The following KDM2B variants were observed in gnomAD, a reference collection of about 807,000 sequenced individuals.
The protein encoded by KDM2B is lysine demethylase 2B, also known as lysine-specific demethylase 2B.
KDM2B carries 26 observed loss-of-function variants against 150.0 expected under a neutral mutation model. The ratio of observed to expected loss-of-function variants is 0.17; its 90% CI spans 0.13 to 0.24. The LOEUF is 0.24. KDM2B is among the 10% of genes least tolerant of loss of function. The probability of loss-of-function intolerance (pLI) is 1.00; values close to 1 mark genes in which losing one functional copy is unlikely to be tolerated. For synonymous variants in KDM2B, 734 were observed against 729.5 expected (o/e 1.01, Z -0.10); for missense variants, 1,265 against 1,816.9 (o/e 0.70, Z 5.52).
At chr12:121,415,861 T>TTTTTA in the KDM2B span, among the ~76,000 whole-genome samples, 2 of 149,840 alleles carry the variant, frequency 1.3e-5, no homozygotes, top group African/African-American at 4.9e-5. Context: ...TTTTTTTTTT[T>TTTTTA]ACATGCCTGT....
rs1483856132 is a variant in KDM2B at position 121,580,177 on chromosome 12, G to A, written c.126+609C>T. On this transcript the variant is annotated intron_variant, in intron 1 of 22. Coordinates refer to ENST00000377071, the MANE Select transcript of KDM2B (RefSeq NM_032590.5). Reference sequence around the variant, plus strand: ...TAAATAAATAAAGCAAGCCAGAGCCGAGATCTACAAAGTTTTGCACCAACA... The same window carrying A: ...TAAATAAATAAAGCAAGCCAGAGCCAAGATCTACAAAGTTTTGCACCAACA... The A allele has an allele frequency of 2.0e-6, 3 of 1,530,870 alleles. No individual in the cohort carries two copies. In the Admixed American group the frequency reaches 6.6e-5, roughly 34 times the overall value. The allele number at this position is 1,530,870 out of a possible 1,614,324, so 94.8% of individuals were successfully genotyped here.
At chr12:121,496,982 C>T (rs1345722961) in intron 11 of KDM2B, among the ~76,000 whole-genome samples, 10 of 151,790 alleles carry the variant, frequency 6.6e-5, no homozygotes, top group African/African-American at 2.4e-4. Flanking sequence ...GCCTATCATA[C>T]TTTCCTGATC....
chr12:121,466,681 C>T (rs1593848300), intron 12 of KDM2B, among the ~76,000 whole-genome samples: 1 of 150,786 alleles, frequency 6.6e-6, no homozygotes, highest in Admixed American at 6.6e-5. Flanking sequence ...CGGGAGCGCT[C>T]CAGCCCCGAA....
chr12:121,546,213 A>T (rs28397967), intron 6 of KDM2B, among the ~76,000 whole-genome samples: 75,463 of 151,816 alleles, frequency 0.5, 18,996 homozygotes, highest in African/African-American at 0.55. Flanking sequence ...AGGGCTCAAG[A>T]CATAGGCGCT....
At chr12:121,499,598 G>A (rs1884321954) in intron 11 of KDM2B, among the ~76,000 whole-genome samples, 1 of 151,986 alleles carries the variant, frequency 6.6e-6, no homozygotes, top group African/African-American at 2.4e-5. Context: ...GCTGCAGTGA[G>A]CTATGATCAC....
At chr12:121,572,413 C>A (rs1891165721) in intron 4 of KDM2B, among the ~76,000 whole-genome samples, 1 of 152,174 alleles carries the variant, frequency 6.6e-6, no homozygotes, top group Non-Finnish European at 1.5e-5. Flanking sequence ...CACTCACTCA[C>A]TCACTCAGTT....
Position 121,575,525 on chromosome 12 carries a change from G to A in KDM2B, c.350+256C>T, listed in dbSNP as rs565124482. ...TAGGAGGTCACTGAGTGTAACTGGG[G>A]TGGGTCAGGGAAAAAAGTCAACACT... On this transcript the variant is annotated intron_variant, in intron 3 of 22. Coordinates refer to ENST00000377071, the MANE Select transcript of KDM2B (RefSeq NM_032590.5). This position sits in a 1 kb window ranked among gnomAD's most constrained non-coding sequence, Gnocchi z 4.4. 2.6e-5 allele frequency among the ~76,000 whole-genome samples: 4 copies of A among 152,314 alleles called. No homozygotes were observed. Among genetic ancestry groups the A allele is most frequent in the Non-Finnish European group, 5.9e-5 (4 of 68,032 alleles).
intron 8 of KDM2B, among the ~76,000 whole-genome samples, chr12:121,530,341 A>G (rs1228853339): frequency 6.6e-6 from 1 of 152,212 alleles, no homozygotes; most frequent in Admixed American, 6.5e-5. Context: ...TTAAAGTACT[A>G]TCCTTTATTC....
intron 12 of KDM2B, among the ~76,000 whole-genome samples, chr12:121,458,250 CCT>C (rs781890564): frequency 4.6e-5 from 7 of 152,080 alleles, no homozygotes; most frequent in Non-Finnish European, 8.8e-5. Flanking sequence ...CTGTCACACA[CCT>C]GTAGTCCGAG....
At chr12:121,454,534 T>A (rs1394733631) in intron 12 of KDM2B, among the ~76,000 whole-genome samples, 1 of 152,144 alleles carries the variant, frequency 6.6e-6, no homozygotes, top group Non-Finnish European at 1.5e-5. Context: ...CTGAGGACAC[T>A]GTCCACAGAG....
intron 12 of KDM2B, among the ~76,000 whole-genome samples, chr12:121,460,090 A>G (rs933959740): frequency 6.6e-6 from 1 of 152,220 alleles, no homozygotes; most frequent in African/African-American, 2.4e-5. Context: ...ACTAACTAAT[A>G]AAGTATGTAA....
chr12:121,454,759 C>T (rs886980731), intron 12 of KDM2B, among the ~76,000 whole-genome samples: 80 of 152,154 alleles, frequency 5.3e-4, no homozygotes, highest in African/African-American at 1.8e-3. Context: ...CAGAGTCCCA[C>T]CCTCTTCATT....
intron 22 of KDM2B, among the ~76,000 whole-genome samples, chr12:121,433,632 C>G (rs1355300956): frequency 6.6e-6 from 1 of 152,212 alleles, no homozygotes; most frequent in African/African-American, 2.4e-5. Flanking sequence ...ATACAGATGT[C>G]AGCTCAGCAC....
chr12:121,497,771 G>C (rs1566340293), intron 11 of KDM2B, among the ~76,000 whole-genome samples: 1 of 151,928 alleles, frequency 6.6e-6, no homozygotes, highest in Admixed American at 6.6e-5. Context: ...TTGTACCTTG[G>C]GTGGGATCCT....
At chr12:121,486,657 G>C (rs1284338229) in intron 12 of KDM2B, among the ~76,000 whole-genome samples, 1 of 151,994 alleles carries the variant, frequency 6.6e-6, no homozygotes, top group Non-Finnish European at 1.5e-5. Context: ...GTGGTAGCAG[G>C]TGCCTATAAT....
chr12:121,580,693 C>A, intron 1 of KDM2B, 93 bp downstream of exon 1: 1 of 1,428,640 alleles, frequency 7.0e-7, no homozygotes, highest in South Asian at 1.5e-5. Context: ...GGGCCTGGCA[C>A]CCCCAAAAAC....
Position 121,453,991 on chromosome 12 carries a change from G to T in KDM2B, c.1735-647C>A, listed in dbSNP as rs1452259437. ...AAGACCGCAAGGGGCCACACAATCGGTCTCTGTTCCCCCAGCCCGGAAGGC... is the reference window on the plus strand; with the variant it reads ...AAGACCGCAAGGGGCCACACAATCGTTCTCTGTTCCCCCAGCCCGGAAGGC... On this transcript the variant is annotated intron_variant, in intron 12 of 22. Transcript: ENST00000377071. The surrounding 1 kb of genome is among the most constrained non-coding windows in gnomAD (Gnocchi z 6.4). 6.6e-6 allele frequency among the ~76,000 whole-genome samples: 1 copy of T among 152,130 alleles called. No individual in the cohort carries two copies. Among genetic ancestry groups the T allele is most frequent in the Non-Finnish European group, 1.5e-5 (1 of 68,024 alleles).
intron 22 of KDM2B, among the ~76,000 whole-genome samples, chr12:121,438,588 G>A (rs1874400653): frequency 1.3e-5 from 2 of 152,086 alleles, no homozygotes; most frequent in East Asian, 1.9e-4. Context: ...TTGCGTCCAC[G>A]AGGTGGAACA....
At chr12:121,510,775 A>G (rs991216972) in intron 10 of KDM2B, among the ~76,000 whole-genome samples, 1 of 150,782 alleles carries the variant, frequency 6.6e-6, no homozygotes, top group Admixed American at 6.7e-5. Context: ...CCTGGGCAAC[A>G]GAGCAAGGCC....
Sources: allele counts gnomAD v4.1 joint callset (sites outside exome capture counted in the v4.1 genomes callset), GRCh38; gene constraint gnomAD v4.1.1; non-coding constraint Gnocchi (gnomAD v3.1); transcripts MANE v1.5; gene names NCBI Gene and HGNC (gene_info 2026-07-23, HGNC 2026-07-21).